TRIP10: variants seen among roughly 807,000 people sequenced by gnomAD.
TRIP10 encodes the protein thyroid hormone receptor interactor 10.
In TRIP10, 54 loss-of-function variants were observed where a neutral mutation model predicts 80.9. That is an observed-to-expected ratio of 0.67 (90% confidence interval 0.54 to 0.84). The LOEUF is 0.84. Among genes scored for constraint, TRIP10 ranks in the 40% least tolerant of loss-of-function variants. The pLI, the probability that TRIP10 is intolerant of heterozygous loss-of-function variation, is 0.00. For missense variants in TRIP10, 773 were observed against 815.3 expected, an observed-to-expected ratio of 0.95 and a Z score of 0.63; for synonymous variants, 321 against 307.2, an observed-to-expected ratio of 1.04 and a Z score of -0.47.
chr19:6,749,734 C>T (rs754912951), intron 11 of TRIP10, among the ~76,000 whole-genome samples, 200 bp from the exon 12 acceptor site: 2 of 151,994 alleles, frequency 1.3e-5, no homozygotes, highest in Non-Finnish European at 2.9e-5. Flanking sequence ...GTCTATAGTC[C>T]CAGTTACTCA....
At chr19:6,742,848 C>A in intron 3 of TRIP10, 119 bp from the exon 4 acceptor site, 1 of 1,376,332 alleles carries the variant, frequency 7.3e-7, no homozygotes, top group South Asian at 1.4e-5. Flanking sequence ...TTTGTCATCG[C>A]TTCAGGGATT....
intron 5 of TRIP10, 54 bp from the exon 6 acceptor site, chr19:6,743,440 C>G: frequency 6.3e-7 from 1 of 1,593,878 alleles, no homozygotes; most frequent in Non-Finnish European, 8.6e-7. Flanking sequence ...TGGTTTCCCA[C>G]CCTGCTGTCT....
rs140555847 is a variant in TRIP10 at position 6,742,947 on chromosome 19, C to T, written c.198-20C>T. 34 of 1,612,608 alleles carry T rather than the reference C, an allele frequency of 2.1e-5. No individual in the cohort carries two copies. The highest frequency in any genetic ancestry group is 1.9e-4 in the African/African-American group (14 of 75,026). ...AGGAGGGGCCTGACTCCCTGTTCCC[C>T]GATTCTCATCCAACCCCAGATTCAG... is the stretch of plus-strand genomic sequence containing the variant. On this transcript the variant is annotated intron_variant, in intron 3 of 14. Coordinates refer to ENST00000313244, the MANE Select transcript of TRIP10 (RefSeq NM_001288962.2).
In TRIP10 at chr19:6,745,183, G is replaced by A. The variant is rs1207592219; in HGVS notation, c.984+189G>A. 1.3e-6 allele frequency: 1 copy of A among 767,836 alleles called. No individual in the cohort carries two copies. The highest frequency in any genetic ancestry group is 1.8e-5 in the African/African-American group (1 of 56,150). 47.6% of individuals were successfully genotyped at this position (767,836 alleles called of 1,614,324 possible). A position where few individuals can be genotyped will look rare whatever the true frequency, so the allele number is the denominator to read the frequency against. ...CTGGGAGTCCCCCGAGGCGAAGGCGGGGGCAGGGTGGGGAGGTGGGGAGGT... is the reference window on the plus strand; with the variant it reads ...CTGGGAGTCCCCCGAGGCGAAGGCGAGGGCAGGGTGGGGAGGTGGGGAGGT... On this transcript the variant is annotated intron_variant, in intron 9 of 14. Coordinates refer to ENST00000313244, the MANE Select transcript of TRIP10 (RefSeq NM_001288962.2). The surrounding 1 kb of genome is among the most constrained non-coding windows in gnomAD (Gnocchi z 7.2).
chr19:6,739,720 A>T lies in TRIP10; in HGVS notation c.-42A>T. 4.0e-6 allele frequency: 5 copies of T among 1,238,016 alleles called. No individual in the cohort carries two copies. The highest frequency in any genetic ancestry group is 2.6e-5 in the South Asian group (1 of 38,584). 76.7% of individuals were successfully genotyped at this position (1,238,016 alleles called of 1,614,324 possible). ...GGGCGGCGGGCGGCGGGCGGCGGGG[A>T]CCGGGTGCGGTGGTGGCTGCGGCGG... On this transcript the variant is annotated 5_prime_UTR_variant, in exon 1 of 15. Coordinates refer to ENST00000313244, the MANE Select transcript of TRIP10 (RefSeq NM_001288962.2).
At chr19:6,748,219 C>G (rs1427488883) in intron 11 of TRIP10, 1 of 152,146 alleles carries the variant, frequency 6.6e-6, no homozygotes, top group Non-Finnish European at 1.5e-5. Flanking sequence ...CTTCCCAGTT[C>G]TGTTACATAA....
At chr19:6,741,386 C>T in intron 3 of TRIP10, 105 bp downstream of exon 3, 1 of 1,318,948 alleles carries the variant, frequency 7.6e-7, no homozygotes, top group Non-Finnish European at 1.1e-6. Flanking sequence ...CTCTCACTTC[C>T]CCTTCTAGAG....
chr19:6,747,826 C>A (rs1239734277), intron 11 of TRIP10, among the ~76,000 whole-genome samples: 1 of 151,322 alleles, frequency 6.6e-6, no homozygotes, highest in African/African-American at 2.4e-5. Context: ...ATACATTAGC[C>A]GAGCACAGTG....
rs922880328 is a variant in TRIP10 at position 6,746,999 on chromosome 19, C to T, written c.1262+438C>T. 9.2e-5 allele frequency among the ~76,000 whole-genome samples: 14 copies of T among 152,122 alleles called. No individual in the cohort carries two copies. Among genetic ancestry groups the T allele is most frequent in the Non-Finnish European group, 1.0e-4 (7 of 68,024 alleles). The stretch of plus-strand genomic sequence containing the variant: ...GATCTCCCCAATAATCCCAAGGCCC[C>T]GACGGTTTTACAGGTGATTCCTACC... On this transcript the variant is annotated intron_variant, in intron 11 of 14. Coordinates refer to ENST00000313244, the MANE Select transcript of TRIP10 (RefSeq NM_001288962.2). The surrounding 1 kb of genome is among the most constrained non-coding windows in gnomAD (Gnocchi z 6.2).
intron 11 of TRIP10, chr19:6,748,788 G>A (rs747140589): frequency 6.6e-6 from 1 of 152,084 alleles, no homozygotes; most frequent in Non-Finnish European, 1.5e-5. Flanking sequence ...GTGAGACTGT[G>A]TCTCAAAAAA....
At chr19:6,740,531 TG>T (rs759919326) in intron 1 of TRIP10, among the ~76,000 whole-genome samples, 6 of 152,032 alleles carry the variant, frequency 3.9e-5, no homozygotes, top group Non-Finnish European at 8.8e-5. Flanking sequence ...GTGGGGTCAG[TG>T]GGGTAAATTG....
Position 6,742,152 on chromosome 19 carries a change from A to T in TRIP10, c.198-815A>T, listed in dbSNP as rs150560975. Among the ~76,000 whole-genome samples the T allele has an allele frequency of 1.4e-3, 216 of 150,908 alleles. 1 individual carries two copies. Among genetic ancestry groups the T allele is most frequent in the African/African-American group, 4.9e-3 (202 of 41,078 alleles). ...CACACCTGTAATCCCACACATTGGG[A>T]GGGTGCGCAGGTGGATCACTTGAGG... On this transcript the variant is annotated intron_variant, in intron 3 of 14. Coordinates refer to ENST00000313244, the MANE Select transcript of TRIP10 (RefSeq NM_001288962.2).
Position 6,744,707 on chromosome 19 carries a change from G to C in TRIP10, c.789+7G>C, listed in dbSNP as rs61757561. 30,133 of 1,595,976 alleles carry C rather than the reference G, an allele frequency of 0.019. 416 individuals carry two copies. Among genetic ancestry groups the C allele is most frequent in the Middle Eastern group, 0.063 (376 of 5,976 alleles). On this transcript the variant is annotated splice_region_variant and intron_variant, in intron 8 of 14. Transcript: ENST00000313244. This position sits in a 1 kb window ranked among gnomAD's most constrained non-coding sequence, Gnocchi z 4.9. ...TGCTGTGGATCCCAAGAACGTGGGT[G>C]CCTGGTCTGGGTCCACTGGGCTACG...
In TRIP10 at chr19:6,749,804, T is replaced by C. The variant is rs12459499; in HGVS notation, c.1263-130T>C. 501 of 1,327,074 alleles carry C rather than the reference T, an allele frequency of 3.8e-4. 3 individuals carry two copies. In the Admixed American group the frequency reaches 9.8e-3, roughly 26 times the overall value. The allele number at this position is 1,327,074 out of a possible 1,614,324, so 82.2% of individuals were successfully genotyped here. On this transcript the variant is annotated intron_variant, in intron 11 of 14. Coordinates refer to ENST00000313244, the MANE Select transcript of TRIP10 (RefSeq NM_001288962.2). ...AGGTTAAGGTTGCAGTGAGCCATGA[T>C]TGCACCACTGCACACCAGCCTGGGG...
rs774570611 is a variant in TRIP10 at position 6,744,916 on chromosome 19, C to T, written c.906C>T (p.Thr302=). The change falls in exon 9 of 15, where the codon ACC becomes ACT. Residue 302 remains threonine, a synonymous_variant. Transcript: ENST00000313244. This position sits in a 1 kb window ranked among gnomAD's most constrained non-coding sequence, Gnocchi z 4.9. The part of the protein sequence containing the change: ...NRAPSDSSLG[T]PSDGRPELRG... ...CACCCTCCGACAGCAGTCTGGGCAC[C>T]CCCTCGGATGGACGGCCTGAACTCC... 3 of 1,614,200 alleles carry T rather than the reference C, an allele frequency of 1.9e-6. No homozygotes were observed. In the South Asian group the frequency reaches 3.3e-5, roughly 18 times the overall value.
intron 12 of TRIP10, 66 bp downstream of exon 12, chr19:6,750,132 G>T: frequency 6.5e-7 from 1 of 1,547,678 alleles, no homozygotes; most frequent in Non-Finnish European, 8.8e-7. Flanking sequence ...TGGGTGGGGT[G>T]GGGGGTCGGG....
rs1012516237 is a variant in TRIP10, at chr19:6,740,958, A to G, written c.25-52A>G. The G allele has an allele frequency of 2.1e-5, 32 of 1,550,158 alleles. No individual in the cohort carries two copies. The East Asian group carries it at 7.2e-4, about 35-fold the overall frequency. ...CTGGTCGGCGGGCTGTGGGGTCCCAAAATCGTGACCCCGGCCCCTCTCCCC... is the reference window on the plus strand; with the variant it reads ...CTGGTCGGCGGGCTGTGGGGTCCCAGAATCGTGACCCCGGCCCCTCTCCCC... On this transcript the variant is annotated intron_variant, in intron 1 of 14. Coordinates refer to ENST00000313244, the MANE Select transcript of TRIP10 (RefSeq NM_001288962.2).
Position 6,745,637 on chromosome 19 carries a change from T to A in TRIP10, c.985-392T>A. 2.0e-6 allele frequency: 2 copies of A among 985,298 alleles called. No homozygotes were observed. Among genetic ancestry groups the A allele is most frequent in the South Asian group, 9.4e-5 (2 of 21,282 alleles). The allele number at this position is 985,298 out of a possible 1,614,324, so 61.0% of individuals were successfully genotyped here. On this transcript the variant is annotated intron_variant, in intron 9 of 14. Coordinates refer to ENST00000313244, the MANE Select transcript of TRIP10 (RefSeq NM_001288962.2). The surrounding 1 kb of genome is among the most constrained non-coding windows in gnomAD (Gnocchi z 7.2). Reference sequence around the variant, plus strand: ...TGATTCCTGCATGCGTCTTCTAGACTGTCAGCCCAGAAAGCTAAGTGGACA... The same window carrying A: ...TGATTCCTGCATGCGTCTTCTAGACAGTCAGCCCAGAAAGCTAAGTGGACA...
At position 6,746,370 on chromosome 19, in the gene TRIP10, G is replaced by C. The variant is rs927752797; in HGVS notation, c.1153-82G>C. On this transcript the variant is annotated intron_variant, in intron 10 of 14. Transcript: ENST00000313244. The surrounding 1 kb of genome is among the most constrained non-coding windows in gnomAD (Gnocchi z 6.2). ...CTGTCAAGAACCATGGCTGGGGAAG[G>C]GAGTGAAATATCTCAGACGGGTGCA... 4 of 1,572,998 alleles carry C rather than the reference G, an allele frequency of 2.5e-6. No individual in the cohort carries two copies. Among genetic ancestry groups the C allele is most frequent in the Non-Finnish European group, 3.5e-6 (4 of 1,152,514 alleles).
Sources: allele counts gnomAD v4.1 joint callset (sites outside exome capture counted in the v4.1 genomes callset), GRCh38; gene constraint gnomAD v4.1.1; non-coding constraint Gnocchi (gnomAD v3.1); transcripts MANE v1.5; gene names NCBI Gene and HGNC (gene_info 2026-07-23, HGNC 2026-07-21).